ELN: variants seen among roughly 807,000 people sequenced by gnomAD.
ELN encodes the protein elastin.
In ELN, 65 loss-of-function variants were observed where a neutral mutation model predicts 105.8. The observed-to-expected ratio is 0.61, with a 90% confidence interval of 0.50 to 0.75. ELN has a LOEUF of 0.75. Among genes scored for constraint, ELN ranks in the 30% least tolerant of loss-of-function variants. ELN has a pLI of 0.00. For missense variants in ELN, 882 were observed against 969.4 expected (o/e 0.91, Z 1.20); for synonymous variants, 368 against 389.2 (o/e 0.95, Z 0.64).
rs57228775 is a variant in ELN, at chr7:74,049,068, TATCC to T, written c.799+543_799+546del. ...CCCTCCATCCATTCATCCATCCATC[TATCC>T]ATCCATCCATCCATCCATCCATCCA... is the stretch of plus-strand genomic sequence containing the variant. On this transcript the variant is annotated intron_variant, in intron 15 of 32. Transcript: ENST00000252034. Among the ~76,000 whole-genome samples, 888 of 133,086 alleles carry T rather than the reference TATCC, an allele frequency of 6.7e-3. 2 individuals carry two copies. Among genetic ancestry groups the T allele is most frequent in the African/African-American group, 0.018 (633 of 35,112 alleles). 87.3% of individuals were successfully genotyped at this position (133,086 alleles called of 152,430 possible).
chr7:74,056,168 G>A (rs1795181357), intron 19 of ELN, 103 bp from the exon 20 acceptor site: 2 of 1,479,562 alleles, frequency 1.4e-6, no homozygotes, highest in Admixed American at 3.4e-5. Context: ...GACAAGGCCT[G>A]GGGGAAATTT....
At chr7:74,054,891 A>G in intron 19 of ELN, 122 bp downstream of exon 19, 1 of 1,052,998 alleles carries the variant, frequency 9.5e-7, no homozygotes, top group Non-Finnish European at 1.5e-6. Flanking sequence ...CGAGCAAGTC[A>G]CCAGCAGGCC....
intron 1 of ELN, among the ~76,000 whole-genome samples, chr7:74,031,860 A>AGAAGGAAGGAAGGAAGGAAGGAAG (rs60029188): frequency 1.6e-4 from 17 of 107,126 alleles, no homozygotes; most frequent in Admixed American, 4.0e-4. Flanking sequence ...AAGGAAGGAA[A>AGAAGGAAGGAAGGAAGGAAGGAAG]GAAGGAAGGA....
chr7:74,040,192 C>T lies in ELN; in HGVS notation c.197-1024C>T, dbSNP rs1005361125. Among the ~76,000 whole-genome samples the T allele has an allele frequency of 3.3e-5, 5 of 152,344 alleles. No homozygotes were observed. In the South Asian group the frequency reaches 8.3e-4, roughly 25 times the overall value. ...CACTTCCTGTGCAGTCCTCAGCTTC[C>T]CCTCCCAGCCCCTCTGTGGACAGGA... is the stretch of plus-strand genomic sequence containing the variant. On this transcript the variant is annotated intron_variant, in intron 4 of 32. Transcript: ENST00000252034.
At chr7:74,045,344 T>C in intron 10 of ELN, 51 bp downstream of exon 10, 1 of 1,605,468 alleles carries the variant, frequency 6.2e-7, no homozygotes, top group Non-Finnish European at 8.5e-7. Context: ...TCCAACCACC[T>C]TCTGGCCCCG....
At position 74,050,139 on chromosome 7, in the gene ELN, T is replaced by TTCCA. The variant is rs147069067; in HGVS notation, c.800-1578_800-1575dup. Among the ~76,000 whole-genome samples, 397 of 127,510 alleles carry TTCCA rather than the reference T, an allele frequency of 3.1e-3. 2 individuals carry two copies. Among genetic ancestry groups the TTCCA allele is most frequent in the South Asian group, 0.02 (75 of 3,788 alleles). The allele number at this position is 127,510 out of a possible 152,430, so 83.7% of individuals were successfully genotyped here. A position where few individuals can be genotyped will look rare whatever the true frequency, so the allele number is the denominator to read the frequency against. On this transcript the variant is annotated intron_variant, in intron 15 of 32. Transcript: ENST00000252034. ...CATCCATCCATTTCTCCATGCATCC[T>TTCCA]TCCATCCATCCATCCATCCATCCAT...
At chr7:74,039,002 G>C (rs958212552) in intron 4 of ELN, among the ~76,000 whole-genome samples, 1 of 152,174 alleles carries the variant, frequency 6.6e-6, no homozygotes, top group Non-Finnish European at 1.5e-5. Flanking sequence ...GTCTTTGACG[G>C]TGAAGAGAGG....
intron 15 of ELN, among the ~76,000 whole-genome samples, chr7:74,050,415 A>G (rs1346147699): frequency 1.3e-5 from 2 of 150,428 alleles, no homozygotes; most frequent in Non-Finnish European, 3.0e-5. Flanking sequence ...CCATCCATCC[A>G]TCCATCAATC....
chr7:74,057,219 C>T (rs1269194507), intron 21 of ELN, among the ~76,000 whole-genome samples: 1 of 151,622 alleles, frequency 6.6e-6, no homozygotes, highest in Non-Finnish European at 1.5e-5. Context: ...GCCTGGGTGA[C>T]AGAGCAAGAC....
intron 8 of ELN, chr7:74,043,635 CT>C (rs1791771477): frequency 2.2e-5 from 14 of 641,390 alleles, no homozygotes; most frequent in South Asian, 2.1e-4. Flanking sequence ...CAGAGGTGGG[CT>C]GGCCCAGCCA....
chr7:74,047,586 C>A, intron 12 of ELN, 89 bp from the exon 13 acceptor site: 1 of 1,567,042 alleles, frequency 6.4e-7, no homozygotes, highest in Non-Finnish European at 8.8e-7. Context: ...CAAGCTTTAG[C>A]ACCTGTGGGG....
chr7:74,067,243 A>G (rs1563886338), intron 32 of ELN, among the ~76,000 whole-genome samples: 2 of 151,192 alleles, frequency 1.3e-5, no homozygotes, highest in East Asian at 2.0e-4. Flanking sequence ...AAACGGTGAA[A>G]CCCCGTCTCT....
intron 1 of ELN, among the ~76,000 whole-genome samples, chr7:74,034,824 G>A (rs1325458860): frequency 1.3e-5 from 2 of 152,134 alleles, no homozygotes; most frequent in African/African-American, 4.8e-5. Flanking sequence ...ATAGTCTCTG[G>A]GAGCGGTGGC....
In ELN at chr7:74,069,508, C is replaced by T; in HGVS notation, c.*808C>T. ...CCCAGGGCGTGCGGGGCTGTGCAGA[C>T]TGGGGTGCCAGGCATCTCCTCCCCA... On this transcript the variant is annotated 3_prime_UTR_variant, in exon 33 of 33. Coordinates refer to ENST00000252034, the MANE Select transcript of ELN (RefSeq NM_000501.4). The T allele has an allele frequency of 4.3e-6, 1 of 234,234 alleles. No individual in the cohort carries two copies. The highest frequency in any genetic ancestry group is 6.0e-5 in the East Asian group (1 of 16,556). 14.5% of individuals were successfully genotyped at this position (234,234 alleles called of 1,614,324 possible).
At chr7:74,038,232 C>T (rs1302418244) in intron 4 of ELN, among the ~76,000 whole-genome samples, 2 of 152,218 alleles carry the variant, frequency 1.3e-5, no homozygotes, top group Non-Finnish European at 2.9e-5. Flanking sequence ...CTTCTCCTGA[C>T]TCCAGATGGA....
rs201597775 is a variant in ELN, at chr7:74,053,251, C to T, written c.1038C>T (p.Val346=). The change falls in exon 18 of 33, where the codon GTC becomes GTT. Residue 346 remains valine (V), a synonymous_variant. Transcript: ENST00000252034. ...GAGCTGGCGTTCCAGGTGTTGGTGT[C>T]CCAGGAGCTGGGATTCCAGTTGTCC... ...VPGAGVPGVG[V]PGAGIPVVPG... is the part of the protein sequence containing the mutation. The T allele has an allele frequency of 1.1e-5, 18 of 1,613,794 alleles. No homozygotes were observed. The highest frequency in any genetic ancestry group is 3.3e-5 in the Admixed American group (2 of 59,962).
intron 8 of ELN, chr7:74,043,371 G>C: frequency 1.3e-6 from 1 of 792,178 alleles, no homozygotes; most frequent in East Asian, 2.7e-5. Context: ...CCCTTCTCCC[G>C]GGATCTTGGG....
chr7:74,043,827 G>C lies in ELN; in HGVS notation c.428-52G>C, dbSNP rs1791827645. ...GCCTGGGTGGGAAGGGCTGGGGAGG[G>C]GTCCCTGGAGGCTGAGCTGCTGCTA... is the stretch of plus-strand genomic sequence containing the variant. On this transcript the variant is annotated intron_variant, in intron 8 of 32. Transcript: ENST00000252034. 5 of 1,608,816 alleles carry C rather than the reference G, an allele frequency of 3.1e-6. No homozygotes were observed. The South Asian group carries it at 4.5e-5, about 14-fold the overall frequency.
chr7:74,036,450 G>T (rs570942030), intron 2 of ELN, 105 bp from the exon 3 acceptor site: 2 of 1,500,438 alleles, frequency 1.3e-6, no homozygotes, highest in Admixed American at 1.7e-5. Context: ...CTTGCCCAAG[G>T]TCACGTAGTT....
Sources: allele counts gnomAD v4.1 joint callset (sites outside exome capture counted in the v4.1 genomes callset), GRCh38; gene constraint gnomAD v4.1.1; transcripts MANE v1.5; gene names NCBI Gene and HGNC (gene_info 2026-07-23, HGNC 2026-07-21).